The following HOOK1 variants were observed in gnomAD, a reference collection of about 807,000 sequenced individuals.
HOOK1 encodes the protein hook microtubule tethering protein 1.
HOOK1 carries 60 observed loss-of-function variants against 112.8 expected under a neutral mutation model. That is an observed-to-expected ratio of 0.53 (90% CI 0.43 to 0.66). The LOEUF (loss-of-function observed/expected upper bound fraction) is 0.66, where lower values mean the gene tolerates loss of function less well. Ranked by LOEUF, HOOK1 falls within the 30% of genes least tolerant of loss-of-function variation. The probability of loss-of-function intolerance (pLI) is 0.00; values close to 1 mark genes in which losing one functional copy is unlikely to be tolerated. For synonymous variants in HOOK1, 294 were observed against 283.8 expected, an observed-to-expected ratio of 1.04 and a Z score of -0.36; for missense variants, 770 against 856.0, an observed-to-expected ratio of 0.90 and a Z score of 1.25.
At chr1:59,867,832 GTGT>G (rs1446676040) in intron 19 of HOOK1, among the ~76,000 whole-genome samples, 1 of 152,080 alleles carries the variant, frequency 6.6e-6, no homozygotes, top group Admixed American at 6.6e-5. Flanking sequence ...TTTCTTCTGT[GTGT>G]TGTTCTTACT....
chr1:59,861,640 T>TAA (rs2098413661), intron 15 of HOOK1, among the ~76,000 whole-genome samples: 1 of 152,188 alleles, frequency 6.6e-6, no homozygotes, highest in Admixed American at 6.5e-5. Context: ...AGAAGTTAAA[T>TAA]AACATACCTA....
At position 59,827,980 on chromosome 1, in the gene HOOK1, C is replaced by T. The variant is rs1300622277; in HGVS notation, c.150-800C>T. On this transcript the variant is annotated intron_variant, in intron 2 of 21. Coordinates refer to ENST00000371208, the MANE Select transcript of HOOK1 (RefSeq NM_015888.6). ...CCCTTAGAACATTTATCACATTCTC[C>T]TTCGAGTATAGTTATTTGTGCTTTT... 3.3e-5 allele frequency among the ~76,000 whole-genome samples: 5 copies of T among 152,072 alleles called. No individual in the cohort carries two copies. In the East Asian group the frequency reaches 9.6e-4, roughly 29 times the overall value.
intron 19 of HOOK1, among the ~76,000 whole-genome samples, chr1:59,866,500 A>C (rs1643970511): frequency 6.6e-6 from 1 of 152,168 alleles, no homozygotes; most frequent in South Asian, 2.1e-4. Flanking sequence ...TCCAATCATA[A>C]ATGGGGAAGG....
chr1:59,870,029 A>G (rs1418517521), intron 20 of HOOK1, among the ~76,000 whole-genome samples: 2 of 152,180 alleles, frequency 1.3e-5, no homozygotes, highest in African/African-American at 2.4e-5. Context: ...TTGCAGCATT[A>G]TTAGTAACTT....
intron 12 of HOOK1, among the ~76,000 whole-genome samples, chr1:59,855,438 T>C (rs139507667): frequency 2.4e-3 from 371 of 152,260 alleles, no homozygotes; most frequent in African/African-American, 8.4e-3. Flanking sequence ...TCCACCTCCA[T>C]CCATGTTCCT....
chr1:59,817,993 CAG>C (rs774046101), intron 1 of HOOK1, among the ~76,000 whole-genome samples: 31 of 152,158 alleles, frequency 2.0e-4, no homozygotes, highest in Non-Finnish European at 3.2e-4. Flanking sequence ...GTTCTCACCT[CAG>C]AGACTAGTGT....
intron 9 of HOOK1, among the ~76,000 whole-genome samples, chr1:59,845,773 A>C (rs1374765458): frequency 6.6e-6 from 1 of 151,890 alleles, no homozygotes; most frequent in Non-Finnish European, 1.5e-5. Flanking sequence ...TCAGTTAATA[A>C]TTTGAAAGAA....
intron 6 of HOOK1, among the ~76,000 whole-genome samples, 193 bp from the exon 7 acceptor site, chr1:59,836,680 C>T (rs1250943143): frequency 6.6e-6 from 1 of 152,078 alleles, no homozygotes; most frequent in Non-Finnish European, 1.5e-5. Context: ...ATAGTGTCCT[C>T]ACTAATATGC....
At chr1:59,838,252 T>A (rs1374047689) in intron 7 of HOOK1, among the ~76,000 whole-genome samples, 2 of 152,212 alleles carry the variant, frequency 1.3e-5, no homozygotes, top group Non-Finnish European at 2.9e-5. Context: ...TAGTTCTAGA[T>A]CCTTGAGGAA....
intron 1 of HOOK1, 134 bp from the exon 2 acceptor site, chr1:59,821,724 C>G (rs1459827393): frequency 3.4e-6 from 2 of 589,932 alleles, no homozygotes; most frequent in Non-Finnish European, 5.8e-6. Flanking sequence ...TTGTCTGGGT[C>G]TACATTTAAA....
intron 2 of HOOK1, 98 bp downstream of exon 2, chr1:59,822,041 A>T: frequency 1.1e-6 from 1 of 930,212 alleles, no homozygotes; most frequent in East Asian, 2.6e-5. Flanking sequence ...TTGCAACTTT[A>T]TCTTACCCAG....
At chr1:59,818,398 A>T (rs77851697) in intron 1 of HOOK1, among the ~76,000 whole-genome samples, 143 of 152,356 alleles carry the variant, frequency 9.4e-4, no homozygotes, top group Non-Finnish European at 1.8e-3. Flanking sequence ...GCAATTTTTT[A>T]AAAATTGCAT....
At chr1:59,832,927 A>G (rs1559047164) in intron 4 of HOOK1, among the ~76,000 whole-genome samples, 3 of 152,130 alleles carry the variant, frequency 2.0e-5, no homozygotes, top group African/African-American at 2.4e-5. Context: ...CCTTTTAATC[A>G]GCTAAAAAAT....
intron 7 of HOOK1, among the ~76,000 whole-genome samples, chr1:59,837,700 T>A (rs981215590): frequency 5.9e-5 from 9 of 152,112 alleles, no homozygotes; most frequent in African/African-American, 2.2e-4. Flanking sequence ...AACAATTTTT[T>A]TTATTATTAT....
At position 59,857,329 on chromosome 1, in the gene HOOK1, C is replaced by T. The variant is rs150209732; in HGVS notation, c.1243-1099C>T. On this transcript the variant is annotated intron_variant, in intron 12 of 21. Transcript: ENST00000371208. Reference sequence around the variant, plus strand: ...GAAAGGCTGCTTGTTTTCAAGGTTACTGCAGAGCTGGGGAGACGGGAATCA... The same window carrying T: ...GAAAGGCTGCTTGTTTTCAAGGTTATTGCAGAGCTGGGGAGACGGGAATCA... Among the ~76,000 whole-genome samples the T allele has an allele frequency of 1.3e-3, 193 of 151,998 alleles. No homozygotes were observed. In the Middle Eastern group the frequency reaches 0.014, roughly 11 times the overall value.
intron 21 of HOOK1, 125 bp downstream of exon 21, chr1:59,871,235 T>C: frequency 1.7e-6 from 1 of 603,350 alleles, no homozygotes. Flanking sequence ...CATGTTTATG[T>C]ATATGACTGA....
chr1:59,828,694 AAAGT>A lies in HOOK1; in HGVS notation c.150-83_150-80del, dbSNP rs1318613907. On this transcript the variant is annotated intron_variant, in intron 2 of 21. Coordinates refer to ENST00000371208, the MANE Select transcript of HOOK1 (RefSeq NM_015888.6). ...TTATTAAGGATAGGCTTTAAGACATAAAGTAACTTTCTCTGTTGGCTCTATTTAA... is the reference window on the plus strand; with the variant it reads ...TTATTAAGGATAGGCTTTAAGACATAAACTTTCTCTGTTGGCTCTATTTAA... 5.6e-6 allele frequency: 6 copies of A among 1,076,314 alleles called. No homozygotes were observed. The African/African-American group carries it at 9.5e-5, about 17-fold the overall frequency. 66.7% of individuals were successfully genotyped at this position (1,076,314 alleles called of 1,614,324 possible). A position where few individuals can be genotyped will look rare whatever the true frequency, so the allele number is the denominator to read the frequency against.
Position 59,862,802 on chromosome 1 carries a change from T to G in HOOK1, c.1551T>G (p.Ile517Met). The change falls in exon 16 of 22, where the codon ATT (isoleucine) becomes ATG (methionine). Residue 517 changes from isoleucine (I) to methionine (M), a missense_variant. Around this residue, in one of 3 missense-constraint regions of HOOK1, gnomAD observed 655 missense variants for 725.9 expected, o/e 0.90. Transcript: ENST00000371208. Reference protein sequence around the residue: ...ETEQRLSKERIRELQQQIEDL... With the variant: ...ETEQRLSKERMRELQQQIEDL... ...ACAATAGGCTGAGCAAAGAGCGTAT[T>G]AGAGAATTGCAGCAGCAGATTGAGG... 6.2e-7 allele frequency: 1 copy of G among 1,611,170 alleles called. No individual in the cohort carries two copies. The highest frequency in any genetic ancestry group is 8.5e-7 in the Non-Finnish European group (1 of 1,177,512).
At chr1:59,833,349 A>C (rs375139877) in intron 4 of HOOK1, 56 bp from the exon 5 acceptor site, 2 of 1,277,106 alleles carry the variant, frequency 1.6e-6, no homozygotes, top group Non-Finnish European at 2.1e-6. Context: ...TATTAAATGT[A>C]GCAAATTCTT....
Sources: gnomAD v4.1 joint callset for allele counts (sites outside exome capture counted in the v4.1 genomes callset) on GRCh38, gnomAD v4.1.1 for gene constraint, gnomAD v4.1.1 regional missense constraint, MANE v1.5 for transcripts, NCBI Gene and HGNC (gene_info 2026-07-23, HGNC 2026-07-21) for gene names.